The following PSD3 variants were observed in gnomAD, a reference collection of about 807,000 sequenced individuals.
PSD3 encodes pleckstrin and Sec7 domain containing 3.
In PSD3, 49 loss-of-function variants were observed where a neutral mutation model predicts 105.5. The observed-to-expected ratio is 0.46, with a 90% CI of 0.37 to 0.59. The LOEUF (loss-of-function observed/expected upper bound fraction) is 0.59, where lower values mean the gene tolerates loss of function less well. Ranked by LOEUF, PSD3 falls within the 20% of genes least tolerant of loss-of-function variation. The pLI is 0.00. For synonymous variants in PSD3, 557 were observed against 457.8 expected (o/e 1.22, Z -2.77); for missense variants, 1,561 against 1,263.8 (o/e 1.24, Z -3.57).
At chr8:18,996,591 G>A (rs1826089792) in intron 1 of PSD3, among the ~76,000 whole-genome samples, 1 of 151,832 alleles carries the variant, frequency 6.6e-6, no homozygotes, top group East Asian at 1.9e-4. Context: ...TGGGAATTAT[G>A]CTACTACATG....
intron 4 of PSD3, among the ~76,000 whole-genome samples, chr8:18,846,445 A>T (rs1815099462): frequency 6.6e-6 from 1 of 152,188 alleles, no homozygotes; most frequent in Non-Finnish European, 1.5e-5. Flanking sequence ...CACGCCCTGC[A>T]GGGAAACATG....
In PSD3 at chr8:18,872,133, T is replaced by C; in HGVS notation, c.731A>G (p.Gln244Arg). Reference protein sequence around the residue: ...NNGRKGAVCVQEPSCPLASLG... With the variant: ...NNGRKGAVCVREPSCPLASLG... ...GGAGGCCAAAGGACAAGATGGCTCC[T>C]GCACACAGACAGCCCCTTTCCTCCC... is the stretch of plus-strand genomic sequence containing the variant. The change falls in exon 3 of 16, where the codon CAG (glutamine) becomes CGG (arginine). Residue 244 changes from glutamine (Q) to arginine (R), a missense_variant. By Grantham distance (43) the Gln-to-Arg change is conservative. Coordinates refer to ENST00000327040, the MANE Select transcript of PSD3 (RefSeq NM_015310.4). The C allele has an allele frequency of 1.2e-6, 2 of 1,614,154 alleles. No individual in the cohort carries two copies.
At chr8:18,813,399 T>A (rs1041013240) in intron 4 of PSD3, among the ~76,000 whole-genome samples, 2 of 152,118 alleles carry the variant, frequency 1.3e-5, no homozygotes, top group African/African-American at 2.4e-5. Context: ...CCATCCCCTG[T>A]CTGCAAGAAT....
upstream of PSD3, among the ~76,000 whole-genome samples, chr8:19,017,050 C>CTT (rs60211350): frequency 3.1e-4 from 36 of 115,550 alleles, no homozygotes; most frequent in Middle Eastern, 9.5e-3. Flanking sequence ...TGGCTACATA[C>CTT]TTTTTTTTTT....
chr8:18,688,216 T>C (rs1247990224), intron 9 of PSD3, among the ~76,000 whole-genome samples: 2 of 152,118 alleles, frequency 1.3e-5, no homozygotes, highest in Non-Finnish European at 2.9e-5. Flanking sequence ...CCTGAGTAGC[T>C]AGGACTACAG....
intron 9 of PSD3, among the ~76,000 whole-genome samples, chr8:18,751,494 C>T (rs1402147600): frequency 6.6e-6 from 1 of 152,196 alleles, no homozygotes; most frequent in Non-Finnish European, 1.5e-5. Context: ...AAACCGAAAA[C>T]CTGAAAACCA....
At chr8:18,752,510 A>ATATTATATATAATATATATT (rs397690498) in intron 9 of PSD3, among the ~76,000 whole-genome samples, 2 of 67,916 alleles carry the variant, frequency 2.9e-5, no homozygotes, top group African/African-American at 1.5e-4. Context: ...TAATATATAT[A>ATATTATATATAATATATATT]ATATATGTAA....
Position 18,868,060 on chromosome 8 carries a change from T to G in PSD3, c.1248A>C (p.Glu416Asp). The change falls in exon 4 of 16, where the codon GAA (glutamate) becomes GAC (aspartate). Residue 416 changes from glutamate (E) to aspartate (D), a missense_variant. Physicochemically the swap from Glu to Asp is conservative, Grantham distance 45 (BLOSUM62 2). Transcript: ENST00000327040. ...CTTCCCCCTTAACGTGCTCCTCTTG[T>G]TCGCTGATCCTGGAAAGTAAATAAG... ...KPERDRERIS[E>D]QEEHVKGEDE... 6.2e-7 allele frequency: 1 copy of G among 1,600,610 alleles called. No individual in the cohort carries two copies. The highest frequency in any genetic ancestry group is 1.3e-5 in the African/African-American group (1 of 74,468).
intron 15 of PSD3, among the ~76,000 whole-genome samples, chr8:18,541,666 T>A (rs1800156692): frequency 6.6e-6 from 1 of 152,150 alleles, no homozygotes; most frequent in Non-Finnish European, 1.5e-5. Flanking sequence ...TGCTTAGGAC[T>A]GGGGCTTTTT....
At chr8:18,779,951 G>T (rs767594346) in intron 8 of PSD3, among the ~76,000 whole-genome samples, 4 of 152,166 alleles carry the variant, frequency 2.6e-5, no homozygotes, top group Non-Finnish European at 5.9e-5. Context: ...GATCTAAAAC[G>T]AAGTTTAAAT....
At chr8:18,687,904 A>C (rs945465958) in intron 9 of PSD3, among the ~76,000 whole-genome samples, 1 of 151,892 alleles carries the variant, frequency 6.6e-6, no homozygotes. Flanking sequence ...AGTAGCTGGG[A>C]TTACAGGCAC....
intron 4 of PSD3, among the ~76,000 whole-genome samples, chr8:18,837,332 A>C (rs556402297): frequency 7.4e-4 from 113 of 152,292 alleles, no homozygotes; most frequent in African/African-American, 2.6e-3. Context: ...TCTTCCTGAC[A>C]CAAGCCAATA....
In PSD3 at chr8:19,028,289, C is replaced by A. The variant is rs1379618789; in HGVS notation, c.324+55917G>T. On this transcript the variant is annotated intron_variant, in intron 1 of 1. Transcript: ENST00000521475. ...CCACCTCTCACACCACCCCCCCCCC[C>A]CGGCCCACCCTTTTTTTTTTTTTTT... Among the ~76,000 whole-genome samples, 7 of 81,494 alleles carry A rather than the reference C, an allele frequency of 8.6e-5. No homozygotes were observed. The South Asian group carries it at 3.3e-3, about 39-fold the overall frequency. 53.5% of individuals were successfully genotyped at this position (81,494 alleles called of 152,430 possible).
chr8:18,987,280 AT>A (rs199530425), intron 1 of PSD3, among the ~76,000 whole-genome samples: 18,187 of 147,976 alleles, frequency 0.12, 1,200 homozygotes, highest in Non-Finnish European at 0.16. Context: ...TTTCTTTTTT[AT>A]TTTTTTTTTT....
At chr8:18,885,130 C>T (rs1818373431) in intron 2 of PSD3, among the ~76,000 whole-genome samples, 1 of 152,144 alleles carries the variant, frequency 6.6e-6, no homozygotes, top group Non-Finnish European at 1.5e-5. Flanking sequence ...TTTATATCCA[C>T]ATCTTGTGCT....
At chr8:18,911,380 A>G (rs1172763349) in intron 2 of PSD3, among the ~76,000 whole-genome samples, 1 of 152,150 alleles carries the variant, frequency 6.6e-6, no homozygotes, top group Non-Finnish European at 1.5e-5. Flanking sequence ...CTTCACTCCA[A>G]TTTCCTGTAA....
At chr8:18,810,858 C>T (rs892210977) in intron 4 of PSD3, among the ~76,000 whole-genome samples, 1 of 152,210 alleles carries the variant, frequency 6.6e-6, no homozygotes, top group African/African-American at 2.4e-5. Flanking sequence ...CTGGAACCAA[C>T]AGACAAGAGG....
intron 1 of PSD3, among the ~76,000 whole-genome samples, chr8:18,950,889 A>G (rs1044207648): frequency 1.3e-5 from 2 of 152,256 alleles, no homozygotes; most frequent in Non-Finnish European, 1.5e-5. Context: ...GAGAAAGCCA[A>G]CACAGGAGAC....
intron 1 of PSD3, among the ~76,000 whole-genome samples, chr8:19,058,409 C>A (rs1001041975): frequency 4.1e-5 from 6 of 146,856 alleles, no homozygotes; most frequent in Non-Finnish European, 9.0e-5. Context: ...ATAATATAAT[C>A]TATAATGTAA....
Sources: allele counts gnomAD v4.1 joint callset (sites outside exome capture counted in the v4.1 genomes callset), GRCh38; gene constraint gnomAD v4.1.1; transcripts MANE v1.5; gene names NCBI Gene and HGNC (gene_info 2026-07-23, HGNC 2026-07-21).